The following ASMT variants were observed in gnomAD, a reference collection of about 807,000 sequenced individuals.
The protein encoded by ASMT is acetylserotonin O-methyltransferase.
A neutral mutation model predicts 41.3 loss-of-function variants in ASMT; 53 were observed. The ratio of observed to expected loss-of-function variants is 1.28; its 90% CI spans 1.03 to 1.61. The LOEUF (loss-of-function observed/expected upper bound fraction) is 1.61, where lower values mean the gene tolerates loss of function less well. Ranked by LOEUF, ASMT falls within the 40% of genes most tolerant of loss-of-function variation. The pLI, the probability that ASMT is intolerant of heterozygous loss-of-function variation, is 0.00. For synonymous variants in ASMT, 231 were observed against 184.8 expected (o/e 1.25, Z -2.03); for missense variants, 531 against 441.3 (o/e 1.20, Z -1.82).
chrX:1,641,633 C>T (rs1935173668), intron 8 of ASMT, among the ~76,000 whole-genome samples: 1 of 143,738 alleles, frequency 7.0e-6, no homozygotes, highest in Non-Finnish European at 1.5e-5. Context: ...GTCCCAGTGT[C>T]CTGTGAGGTC....
intron 5 of ASMT, 105 bp downstream of exon 5, chrX:1,630,044 T>TGA (rs1290475611): frequency 9.4e-7 from 1 of 1,068,026 alleles, no homozygotes; most frequent in African/African-American, 1.5e-5. Flanking sequence ...CTTTGACATG[T>TGA]GCGGCCTTAC....
Position 1,615,139 on chromosome X carries a change from C to A in ASMT, c.-61C>A. ...CTCTTCCCCACCTTGCCAGCAGGCT[C>A]TGTGCTCCTTGAAGCAAGCGCTCCA... On this transcript the variant is annotated 5_prime_UTR_variant, in exon 1 of 9. In the 5' UTR this introduces an upstream ATG that the reference lacks. Transcript: ENST00000381241. 6.0e-6 allele frequency: 9 copies of A among 1,496,842 alleles called. No individual in the cohort carries two copies. Among genetic ancestry groups the A allele is most frequent in the Non-Finnish European group, 8.2e-6 (9 of 1,095,916 alleles). 92.7% of individuals were successfully genotyped at this position (1,496,842 alleles called of 1,614,324 possible). A position where few individuals can be genotyped will look rare whatever the true frequency, so the allele number is the denominator to read the frequency against.
intron 1 of ASMT, 141 bp from the exon 2 acceptor site, chrX:1,622,998 C>CAAA (rs372723318): frequency 7.3e-5 from 43 of 590,028 alleles, no homozygotes; most frequent in Middle Eastern, 5.1e-4. Context: ...GACTCTGTCT[C>CAAA]AAAAAAAAAA....
At chrX:1,636,701 C>A (rs1216651794) in intron 8 of ASMT, 141 bp downstream of exon 8, 5 of 1,290,916 alleles carry the variant, frequency 3.9e-6, no homozygotes, top group African/African-American at 2.9e-5. Context: ...TTTTAGATAA[C>A]GACCTGAAAT....
At chrX:1,622,080 C>T (rs1355390418) in intron 1 of ASMT, among the ~76,000 whole-genome samples, 2 of 151,926 alleles carry the variant, frequency 1.3e-5, no homozygotes, top group African/African-American at 4.8e-5. Context: ...GCAACCTCTG[C>T]CTCCCGGGTT....
chrX:1,615,342 C>T (rs1484235330), intron 1 of ASMT, 74 bp downstream of exon 1: 37 of 1,388,310 alleles, frequency 2.7e-5, no homozygotes, highest in South Asian at 6.2e-5. Flanking sequence ...TTGTGTCAGT[C>T]GAGAAAAATG....
intron 3 of ASMT, among the ~76,000 whole-genome samples, chrX:1,625,823 G>T (rs1214283012): frequency 6.6e-6 from 1 of 151,466 alleles, no homozygotes; most frequent in Non-Finnish European, 1.5e-5. Flanking sequence ...GCGTGGTGGC[G>T]GGCGCCTGTA....
chrX:1,630,597 C>T (rs1282069672), intron 5 of ASMT, among the ~76,000 whole-genome samples: 27 of 152,000 alleles, frequency 1.8e-4, no homozygotes, highest in Non-Finnish European at 3.7e-4. Context: ...CTGTTTGTCA[C>T]CCAGGCTCGA....
intron 8 of ASMT, among the ~76,000 whole-genome samples, chrX:1,641,370 A>ACAGTGTC (rs1935150809): frequency 7.6e-6 from 1 of 131,356 alleles, no homozygotes; most frequent in Non-Finnish European, 1.6e-5. Context: ...TGTGATAGGG[A>ACAGTGTC]CCATGTCCCA....
chrX:1,631,086 T>TTG (rs1352392614), intron 5 of ASMT, among the ~76,000 whole-genome samples: 1 of 35,394 alleles, frequency 2.8e-5, no homozygotes, highest in African/African-American at 7.2e-5. Flanking sequence ...AATTTTTTGT[T>TTG]TTTTTTTTTA....
intron 2 of ASMT, 124 bp downstream of exon 2, chrX:1,623,437 A>G: frequency 8.0e-7 from 1 of 1,249,888 alleles, no homozygotes; most frequent in Non-Finnish European, 1.1e-6. Context: ...TCTACTAAAA[A>G]AAATACAAAA....
At chrX:1,633,857 C>T (rs1454676447) in intron 7 of ASMT, among the ~76,000 whole-genome samples, 1 of 152,148 alleles carries the variant, frequency 6.6e-6, no homozygotes, top group Non-Finnish European at 1.5e-5. Flanking sequence ...CCAGGATGGT[C>T]TCGATCTCCT....
chrX:1,623,722 C>T (rs1934420998), intron 2 of ASMT, among the ~76,000 whole-genome samples: 1 of 152,078 alleles, frequency 6.6e-6, no homozygotes, highest in Non-Finnish European at 1.5e-5. Flanking sequence ...AGTTCGAGAC[C>T]AGCCTGGGCC....
In ASMT at chrX:1,636,487, C is replaced by A. The variant is rs770365873; in HGVS notation, c.837C>A (p.Ala279=). 2.5e-6 allele frequency: 4 copies of A among 1,613,902 alleles called. No individual in the cohort carries two copies. In the Admixed American group the frequency reaches 6.7e-5, roughly 27 times the overall value. The part of the protein sequence containing the change: ...PLPEADLYIL[A]RVLHDWADGK... ...CGGAAGCTGATCTGTACATCCTGGC[C>A]AGGGTCCTCCATGACTGGGCAGACG... Residue 279 remains alanine (A), a synonymous_variant, in exon 8 of 9, where the codon GCC becomes GCA. Transcript: ENST00000381241.
In ASMT at chrX:1,623,400, T is replaced by C. The variant is rs1934409010; in HGVS notation, c.244+87T>C. 3.9e-6 allele frequency: 6 copies of C among 1,529,836 alleles called. No individual in the cohort carries two copies. The South Asian group carries it at 5.7e-5, about 15-fold the overall frequency. 94.8% of individuals were successfully genotyped at this position (1,529,836 alleles called of 1,614,324 possible). ...TCTGTAAAAAGTGAAACAGTCTCCA[T>C]CCTGGCTCACACAGTGAAACCCCGT... On this transcript the variant is annotated intron_variant, in intron 2 of 8. Transcript: ENST00000381241.
intron 1 of ASMT, among the ~76,000 whole-genome samples, chrX:1,617,616 T>C (rs1216334636): frequency 2.6e-5 from 4 of 151,496 alleles, no homozygotes; most frequent in African/African-American, 9.8e-5. Flanking sequence ...TTGTTTGTTT[T>C]TTTCCTTTTT....
Position 1,622,925 on chromosome X carries a change from T to A in ASMT, c.70-214T>A, listed in dbSNP as rs563168771. The stretch of plus-strand genomic sequence containing the variant: ...AGACTTCAACTCAAAATAAATAAAT[T>A]AATTAATTAATAAAAATAAATAAAT... On this transcript the variant is annotated intron_variant, in intron 1 of 8. Coordinates refer to ENST00000381241, the MANE Select transcript of ASMT (RefSeq NM_001171038.2). 1.0e-3 allele frequency among the ~76,000 whole-genome samples: 157 copies of A among 151,272 alleles called. No homozygotes were observed. The South Asian group carries it at 0.018, about 18-fold the overall frequency.
chrX:1,622,630 G>A (rs1934376134), intron 1 of ASMT, among the ~76,000 whole-genome samples: 1 of 151,858 alleles, frequency 6.6e-6, no homozygotes, highest in South Asian at 2.1e-4. Flanking sequence ...AAAACAGGGT[G>A]GGGCCAGGCG....
At chrX:1,633,098 G>T in intron 6 of ASMT, 52 bp from the exon 7 acceptor site, 1 of 1,611,440 alleles carries the variant, frequency 6.2e-7, no homozygotes, top group Admixed American at 1.7e-5. Flanking sequence ...GAGGGTGAGC[G>T]ATGTCTCTCA....
Sources: allele counts gnomAD v4.1 joint callset (sites outside exome capture counted in the v4.1 genomes callset), GRCh38; gene constraint gnomAD v4.1.1; transcripts MANE v1.5; gene names NCBI Gene and HGNC (gene_info 2026-07-23, HGNC 2026-07-21).